RBPMS: variants seen among roughly 807,000 people sequenced by gnomAD.
The protein encoded by RBPMS is RNA-binding protein with multiple splicing.
Under a neutral mutation model 26.8 loss-of-function variants are expected in RBPMS, and 7 were observed. That is an observed-to-expected ratio of 0.26 (90% CI 0.15 to 0.49). The LOEUF is 0.49. Ranked by LOEUF, RBPMS falls within the 20% of genes least tolerant of loss-of-function variation. RBPMS has a pLI of 0.98. For missense variants in RBPMS, 186 were observed against 250.0 expected (o/e 0.74, Z 1.73); for synonymous variants, 96 against 93.3 (o/e 1.03, Z -0.17).
At position 30,390,670 on chromosome 8, in the gene RBPMS, A is replaced by G. The variant is rs141716346; in HGVS notation, c.66+5512A>G. On this transcript the variant is annotated intron_variant, in intron 1 of 8. Transcript: ENST00000397323. ...CCCCCTCACCTGAATGTCCCATCCC[A>G]TAGAGATGATTTTTCATTAGAATTT... Among the ~76,000 whole-genome samples, 37 of 152,216 alleles carry G rather than the reference A, an allele frequency of 2.4e-4. 1 individual carries two copies. Among genetic ancestry groups the G allele is most frequent in the Non-Finnish European group, 4.1e-4 (28 of 67,998 alleles).
intron 1 of RBPMS, chr8:30,453,766 A>G (rs991297333): frequency 6.6e-6 from 1 of 152,204 alleles, no homozygotes; most frequent in Admixed American, 6.5e-5. Context: ...GGCACTTGGC[A>G]ATAGGAGCTT....
At chr8:30,471,135 A>G (rs1363352535) in intron 1 of RBPMS, among the ~76,000 whole-genome samples, 1 of 152,210 alleles carries the variant, frequency 6.6e-6, no homozygotes. Flanking sequence ...TTACTATACC[A>G]TTGAGGCTAA....
intron 1 of RBPMS, among the ~76,000 whole-genome samples, chr8:30,435,711 G>A (rs968949331): frequency 6.6e-6 from 1 of 152,300 alleles, no homozygotes; most frequent in Admixed American, 6.5e-5. Flanking sequence ...TCAATGGAGT[G>A]ATGAGTTAGG....
chr8:30,492,713 A>C (rs73245323), intron 4 of RBPMS, among the ~76,000 whole-genome samples: 35,742 of 152,006 alleles, frequency 0.24, 4,666 homozygotes, highest in East Asian at 0.41. Context: ...AAACCCCCCT[A>C]CTTTTTCACT....
intron 5 of RBPMS, among the ~76,000 whole-genome samples, chr8:30,525,497 T>C (rs1475209402): frequency 1.3e-5 from 2 of 152,338 alleles, no homozygotes; most frequent in East Asian, 3.9e-4. Flanking sequence ...GTAAATGATA[T>C]CCTTTCAAAG....
chr8:30,553,291 TC>T (rs1396441511), intron 6 of RBPMS: 4 of 152,234 alleles, frequency 2.6e-5, no homozygotes, highest in African/African-American at 9.6e-5. Flanking sequence ...AAAGTGTTCT[TC>T]CAGTTTTGGT....
At chr8:30,392,168 G>T (rs2150548216) in intron 1 of RBPMS, among the ~76,000 whole-genome samples, 1 of 152,250 alleles carries the variant, frequency 6.6e-6, no homozygotes, top group South Asian at 2.1e-4. Flanking sequence ...GTTGAGCACA[G>T]CCAAACCTGC....
intron 4 of RBPMS, among the ~76,000 whole-genome samples, chr8:30,497,756 G>T (rs1055028915): frequency 6.6e-6 from 1 of 151,938 alleles, no homozygotes; most frequent in African/African-American, 2.4e-5. Flanking sequence ...CCGAGTAGCT[G>T]GGACTACAGG....
intron 4 of RBPMS, 139 bp from the exon 5 acceptor site, chr8:30,504,147 G>T (rs932528190): frequency 4.7e-5 from 37 of 794,970 alleles, no homozygotes; most frequent in Non-Finnish European, 7.8e-5. Flanking sequence ...CATGTAACCT[G>T]TGTAAGTAGT....
In RBPMS at chr8:30,418,597, G is replaced by A. The variant is rs954418430; in HGVS notation, c.66+33439G>A. 3.1e-4 allele frequency among the ~76,000 whole-genome samples: 47 copies of A among 151,408 alleles called. 1 individual carries two copies. Among genetic ancestry groups the A allele is most frequent in the African/African-American group, 1.1e-3 (46 of 41,218 alleles). ...ATTACTATTATTATTATTATTTTTC[G>A]AGGCAGGGTCTCACTCTGTCACCCA... is the stretch of plus-strand genomic sequence containing the variant. On this transcript the variant is annotated intron_variant, in intron 1 of 8. Coordinates refer to ENST00000397323, the MANE Select transcript of RBPMS (RefSeq NM_001008710.3).
chr8:30,544,598 A>C lies in RBPMS; in HGVS notation c.502A>C (p.Thr168Pro). 6.2e-7 allele frequency: 1 copy of C among 1,613,916 alleles called. No homozygotes were observed. Among genetic ancestry groups the C allele is most frequent in the East Asian group, 2.2e-5 (1 of 44,866 alleles). Residue 168 changes from threonine (T) to proline (P), a missense_variant, in exon 6 of 9, where the codon ACC becomes CCC. Physicochemically the swap from Thr to Pro is conservative, Grantham distance 38. Transcript: ENST00000397323. Reference protein sequence around the residue: ...LAPALPPPAFTYPASLHAQMR... With the variant: ...LAPALPPPAFPYPASLHAQMR... ...GCCTGCTCTACCTCCTCCTGCTTTC[A>C]CCTATCCCGCTTCACTGCATGCCCA...
At chr8:30,525,376 G>T (rs905552695) in intron 5 of RBPMS, among the ~76,000 whole-genome samples, 4 of 151,842 alleles carry the variant, frequency 2.6e-5, no homozygotes, top group Admixed American at 1.3e-4. Flanking sequence ...CTCCTCCTCC[G>T]CAATAAAAAG....
chr8:30,441,944 C>T (rs1813123725), intron 1 of RBPMS, among the ~76,000 whole-genome samples: 1 of 152,262 alleles, frequency 6.6e-6, no homozygotes, highest in Admixed American at 6.5e-5. Context: ...CGTGTGCCAC[C>T]AGGTCCAGCT....
intron 1 of RBPMS, among the ~76,000 whole-genome samples, chr8:30,466,564 A>G (rs1242478710): frequency 2.0e-5 from 3 of 151,228 alleles, no homozygotes; most frequent in African/African-American, 7.3e-5. Context: ...ACAACAGCAC[A>G]GTGGTTTTGG....
rs28529841 is a variant in RBPMS, at chr8:30,463,146, A to G, written c.67-11633A>G. Among the ~76,000 whole-genome samples, 1,350 of 152,318 alleles carry G rather than the reference A, an allele frequency of 8.9e-3. 20 individuals are homozygous for G. Among genetic ancestry groups the G allele is most frequent in the African/African-American group, 0.031 (1,300 of 41,562 alleles). On this transcript the variant is annotated intron_variant, in intron 1 of 8. Coordinates refer to ENST00000397323, the MANE Select transcript of RBPMS (RefSeq NM_001008710.3). The stretch of plus-strand genomic sequence containing the variant: ...TTTTGTGAACATTGTAAGCCACCTT[A>G]TAATAGATAACATTTTTCTGAGCCC...
intron 4 of RBPMS, among the ~76,000 whole-genome samples, chr8:30,484,715 AT>A (rs1818612863): frequency 6.6e-6 from 1 of 152,224 alleles, no homozygotes; most frequent in Non-Finnish European, 1.5e-5. Flanking sequence ...GTAAGAAAAT[AT>A]GCTGAGAAAA....
intron 5 of RBPMS, among the ~76,000 whole-genome samples, chr8:30,539,145 T>G (rs755617939): frequency 1.4e-4 from 21 of 152,202 alleles, no homozygotes; most frequent in Non-Finnish European, 2.2e-4. Context: ...ATTATTCCTA[T>G]TAAAAATGGA....
intron 1 of RBPMS, among the ~76,000 whole-genome samples, chr8:30,414,369 C>T (rs1809814704): frequency 1.3e-5 from 2 of 152,140 alleles, no homozygotes; most frequent in African/African-American, 2.4e-5. Context: ...GGAACTTTGG[C>T]CTCAGTAGTG....
intron 1 of RBPMS, among the ~76,000 whole-genome samples, chr8:30,409,353 C>A (rs1173052383): frequency 1.1e-4 from 16 of 152,040 alleles, no homozygotes; most frequent in Admixed American, 4.6e-4. Flanking sequence ...ACCACCATGG[C>A]TGGCTAATTT....
Sources: allele counts gnomAD v4.1 joint callset (sites outside exome capture counted in the v4.1 genomes callset), GRCh38; gene constraint gnomAD v4.1.1; transcripts MANE v1.5; gene names NCBI Gene and HGNC (gene_info 2026-07-23, HGNC 2026-07-21).